JARID2: variants seen among roughly 807,000 people sequenced by gnomAD.
The protein encoded by JARID2 is protein Jumonji.
In JARID2, 21 loss-of-function variants were observed where a neutral mutation model predicts 125.6. That is an observed-to-expected ratio of 0.17 (90% CI 0.12 to 0.24). The LOEUF (loss-of-function observed/expected upper bound fraction) is 0.24, where lower values mean the gene tolerates loss of function less well. Ranked by LOEUF, JARID2 falls within the 10% of genes least tolerant of loss-of-function variation. JARID2 has a pLI of 1.00. For missense variants in JARID2, 1,303 were observed against 1,639.6 expected, an observed-to-expected ratio of 0.79 and a Z score of 3.55; for synonymous variants, 736 against 661.6, an observed-to-expected ratio of 1.11 and a Z score of -1.73.
intron 2 of JARID2, chr6:15,400,751 C>T (rs1340174242): frequency 2.1e-6 from 2 of 968,756 alleles, no homozygotes; most frequent in Admixed American, 1.2e-4. Flanking sequence ...ACCTTCTCTC[C>T]TGGCTGCCTC....
intron 3 of JARID2, among the ~76,000 whole-genome samples, chr6:15,425,221 G>T (rs1766673714): frequency 6.6e-6 from 1 of 152,202 alleles, no homozygotes; most frequent in African/African-American, 2.4e-5. Context: ...ATTCTGGGGT[G>T]TGGCAAAGTG....
Position 15,496,589 on chromosome 6 carries a change from C to T in JARID2, c.1364C>T (p.Ser455Leu), listed in dbSNP as rs760518769. ...EEAHQAEKPQSPPKKMKGAAG... is the reference protein window; with the variant it reads ...EEAHQAEKPQLPPKKMKGAAG... ...GCACACCAGGCGGAGAAGCCGCAGT[C>T]GCCCCCCAAGAAGATGAAAGGGGCG... Residue 455 changes from serine to leucine, a missense_variant, in exon 7 of 18, where the codon TCG becomes TTG. This residue lies in a region of JARID2 where 651 missense variants were observed against 581.6 expected (regional missense o/e 1.12). Transcript: ENST00000341776. The T allele has an allele frequency of 1.6e-5, 25 of 1,602,022 alleles. No homozygotes were observed. The highest frequency in any genetic ancestry group is 2.0e-5 in the Non-Finnish European group (24 of 1,175,756).
intron 1 of JARID2, among the ~76,000 whole-genome samples, chr6:15,282,236 C>T (rs1760780549): frequency 6.6e-6 from 1 of 152,086 alleles, no homozygotes; most frequent in South Asian, 2.1e-4. Context: ...AGCCACAGCG[C>T]CTGTCATGTG....
intron 1 of JARID2, among the ~76,000 whole-genome samples, chr6:15,258,648 G>A (rs1759758306): frequency 6.6e-6 from 1 of 152,148 alleles, no homozygotes. Context: ...CAGGTGTGGT[G>A]GCAAGCGCCT....
chr6:15,252,308 C>A (rs1194444865), intron 1 of JARID2, among the ~76,000 whole-genome samples: 2 of 149,986 alleles, frequency 1.3e-5, no homozygotes, highest in African/African-American at 2.5e-5. Flanking sequence ...TAGGGAATAC[C>A]TTTTTTTTTT....
At chr6:15,373,285 C>T (rs1764237795) in intron 1 of JARID2, among the ~76,000 whole-genome samples, 1 of 152,182 alleles carries the variant, frequency 6.6e-6, no homozygotes, top group South Asian at 2.1e-4. Context: ...ATTTTTTCTT[C>T]CCTCTTTAGT....
intron 2 of JARID2, among the ~76,000 whole-genome samples, chr6:15,384,731 C>CT (rs928558061): frequency 2.6e-5 from 4 of 152,128 alleles, no homozygotes; most frequent in African/African-American, 9.7e-5. Flanking sequence ...GTTGCTGGGA[C>CT]TTCAGGCATG....
chr6:15,263,312 T>G (rs1480083238), intron 1 of JARID2, among the ~76,000 whole-genome samples: 1 of 152,112 alleles, frequency 6.6e-6, no homozygotes, highest in Non-Finnish European at 1.5e-5. Flanking sequence ...GACTTTCTTG[T>G]GGTTACCTCT....
chr6:15,438,957 G>A (rs758938878), intron 3 of JARID2, among the ~76,000 whole-genome samples: 6 of 151,676 alleles, frequency 4.0e-5, no homozygotes, highest in South Asian at 2.1e-4. Context: ...GCTTCAACCC[G>A]GAAGGGGGAG....
In JARID2 at chr6:15,520,205, G is replaced by C. The variant is rs1031581396; in HGVS notation, c.3695G>C (p.Arg1232Pro). The change falls in exon 18 of 18, where the codon CGT becomes CCT. Residue 1232 changes from arginine to proline, a missense_variant. Arg to Pro is a moderately radical substitution (Grantham distance 103, BLOSUM62 -2). This residue lies in a region of JARID2 where 75 missense variants were observed against 66.0 expected (regional missense o/e 1.14). Coordinates refer to ENST00000341776, the MANE Select transcript of JARID2 (RefSeq NM_004973.4). ...KRATVDVPPSRLSASSSSKSA... is the reference protein window; with the variant it reads ...KRATVDVPPSPLSASSSSKSA... ...GCGACAGTGGACGTGCCCCCCTCCC[G>C]TCTGTCAGCCTCCAGTTCATCCAAA... 6.2e-7 allele frequency: 1 copy of C among 1,613,326 alleles called. No homozygotes were observed. The highest frequency in any genetic ancestry group is 1.3e-5 in the African/African-American group (1 of 74,882).
chr6:15,251,798 T>A (rs2059422084), intron 1 of JARID2, among the ~76,000 whole-genome samples: 1 of 152,046 alleles, frequency 6.6e-6, no homozygotes, highest in Admixed American at 6.6e-5. Flanking sequence ...ACCAACATGG[T>A]GAAACCCCGT....
chr6:15,362,506 G>C (rs1763834060), intron 1 of JARID2, among the ~76,000 whole-genome samples: 1 of 152,190 alleles, frequency 6.6e-6, no homozygotes, highest in Non-Finnish European at 1.5e-5. Context: ...TTTGGACACG[G>C]GGTCTGACGA....
At chr6:15,387,995 A>G (rs1321592212) in intron 2 of JARID2, among the ~76,000 whole-genome samples, 2 of 152,212 alleles carry the variant, frequency 1.3e-5, no homozygotes, top group African/African-American at 4.8e-5. Context: ...CAGGGTCACC[A>G]GATAGGGCTT....
At chr6:15,495,983 G>T in intron 6 of JARID2, 149 bp from the exon 7 acceptor site, 1 of 689,122 alleles carries the variant, frequency 1.5e-6, no homozygotes, top group African/African-American at 1.8e-5. Context: ...CTCTTTGCTG[G>T]TATTTCCACA....
intron 3 of JARID2, among the ~76,000 whole-genome samples, chr6:15,424,171 T>C (rs1766624405): frequency 6.6e-6 from 1 of 151,704 alleles, no homozygotes; most frequent in African/African-American, 2.4e-5. Flanking sequence ...TCTTGCTTTG[T>C]TGCCCACATT....
chr6:15,403,720 G>A (rs554486545), intron 2 of JARID2, among the ~76,000 whole-genome samples: 1 of 145,592 alleles, frequency 6.9e-6, no homozygotes, highest in Non-Finnish European at 1.5e-5. Flanking sequence ...GGTGTAGATT[G>A]TTGAAGGTGT....
At chr6:15,385,477 T>TTATA (rs1343880973) in intron 2 of JARID2, among the ~76,000 whole-genome samples, 1 of 151,208 alleles carries the variant, frequency 6.6e-6, no homozygotes, top group African/African-American at 2.4e-5. Flanking sequence ...ATTTATTTAT[T>TTATA]TATATAGATT....
intron 1 of JARID2, among the ~76,000 whole-genome samples, chr6:15,290,853 C>G (rs1761181537): frequency 6.6e-6 from 1 of 152,156 alleles, no homozygotes. Flanking sequence ...ATCTGCTGAC[C>G]TCGTGATCCG....
At chr6:15,336,137 A>G (rs1289871610) in intron 1 of JARID2, among the ~76,000 whole-genome samples, 1 of 152,088 alleles carries the variant, frequency 6.6e-6, no homozygotes, top group Non-Finnish European at 1.5e-5. Flanking sequence ...AAATAAAGGC[A>G]TGGCCCCTTT....
Sources: allele counts gnomAD v4.1 joint callset (sites outside exome capture counted in the v4.1 genomes callset), GRCh38; gene constraint gnomAD v4.1.1; regional missense constraint gnomAD v4.1.1; transcripts MANE v1.5; gene names NCBI Gene and HGNC (gene_info 2026-07-23, HGNC 2026-07-21).